Variants in RGS7BP observed in about 807,000 individuals in gnomAD.
RGS7BP encodes the protein regulator of G protein signaling 7 binding protein, also known as regulator of G protein signaling 7-binding protein.
In RGS7BP, 9 loss-of-function variants were observed where a neutral mutation model predicts 31.3. That is an observed-to-expected ratio of 0.29 (90% CI 0.17 to 0.50). The LOEUF (loss-of-function observed/expected upper bound fraction) is 0.50, where lower values mean the gene tolerates loss of function less well. Ranked by LOEUF, RGS7BP falls within the 20% of genes least tolerant of loss-of-function variation. RGS7BP has a pLI of 0.98. For synonymous variants in RGS7BP, 115 were observed against 120.1 expected (o/e 0.96, Z 0.28); for missense variants, 274 against 322.0 (o/e 0.85, Z 1.14).
intron 2 of RGS7BP, among the ~76,000 whole-genome samples, chr5:64,519,440 T>C (rs1749054947): frequency 6.6e-6 from 1 of 152,126 alleles, no homozygotes; most frequent in African/African-American, 2.4e-5. Context: ...AACTCTGCAA[T>C]AGAAATAGGC....
chr5:64,538,805 C>T (rs578227000), intron 2 of RGS7BP, among the ~76,000 whole-genome samples: 3 of 152,148 alleles, frequency 2.0e-5, no homozygotes, highest in African/African-American at 4.8e-5. Context: ...ATCCACCCAC[C>T]TTTGTTGGCC....
At chr5:64,542,741 A>G (rs556835388) in intron 2 of RGS7BP, among the ~76,000 whole-genome samples, 2 of 152,350 alleles carry the variant, frequency 1.3e-5, no homozygotes, top group East Asian at 1.9e-4. Context: ...ATCCAGCCCA[A>G]TGAATTGAAT....
intron 2 of RGS7BP, among the ~76,000 whole-genome samples, chr5:64,523,336 A>AT (rs5868377): frequency 0.32 from 47,951 of 151,156 alleles, 7,963 homozygotes; most frequent in South Asian, 0.39. Flanking sequence ...CAAATGTGCC[A>AT]TTTTTTTTTG....
chr5:64,600,463 T>C (rs1743189085), intron 5 of RGS7BP, among the ~76,000 whole-genome samples: 1 of 152,182 alleles, frequency 6.6e-6, no homozygotes, highest in Non-Finnish European at 1.5e-5. Flanking sequence ...CTTTGTATCA[T>C]CTTTATACAC....
intron 5 of RGS7BP, among the ~76,000 whole-genome samples, chr5:64,601,768 C>A (rs1012821962): frequency 6.6e-6 from 1 of 152,124 alleles, no homozygotes; most frequent in Non-Finnish European, 1.5e-5. Flanking sequence ...AATGGAACCA[C>A]CTGTGGGGAG....
chr5:64,523,969 A>T (rs1749172161), intron 2 of RGS7BP, among the ~76,000 whole-genome samples: 1 of 152,224 alleles, frequency 6.6e-6, no homozygotes, highest in African/African-American at 2.4e-5. Flanking sequence ...GGTATATAAC[A>T]GAGTCTGAGG....
At chr5:64,607,035 C>A (rs1743382829) in intron 5 of RGS7BP, among the ~76,000 whole-genome samples, 1 of 152,056 alleles carries the variant, frequency 6.6e-6, no homozygotes, top group Non-Finnish European at 1.5e-5. Context: ...GTTTTCTTCT[C>A]TGGCTTGGAC....
chr5:64,595,004 T>G (rs1743027616), intron 4 of RGS7BP, 147 bp downstream of exon 4: 3 of 807,448 alleles, frequency 3.7e-6, no homozygotes, highest in Non-Finnish European at 5.8e-6. Context: ...TCAGGGACCC[T>G]GGAGACTGCC....
At chr5:64,526,092 G>C (rs1203461302) in intron 2 of RGS7BP, among the ~76,000 whole-genome samples, 2 of 152,170 alleles carry the variant, frequency 1.3e-5, no homozygotes, top group African/African-American at 2.4e-5. Flanking sequence ...AGGGAAGAAG[G>C]CTTTATTATA....
At chr5:64,544,510 GAAA>G (rs34435565) in intron 2 of RGS7BP, among the ~76,000 whole-genome samples, 1 of 141,930 alleles carries the variant, frequency 7.0e-6, no homozygotes. Flanking sequence ...CCCTGTCTCT[GAAA>G]AAAAAAAAAA....
intron 5 of RGS7BP, among the ~76,000 whole-genome samples, chr5:64,600,989 A>C (rs1580471023): frequency 6.6e-6 from 1 of 152,198 alleles, no homozygotes; most frequent in Non-Finnish European, 1.5e-5. Context: ...AGGCTTCCCC[A>C]ATTCCTTTCC....
At chr5:64,553,734 G>A (rs1413265658) in intron 2 of RGS7BP, among the ~76,000 whole-genome samples, 1 of 152,022 alleles carries the variant, frequency 6.6e-6, no homozygotes, top group African/African-American at 2.4e-5. Context: ...GTGTAAGATT[G>A]AGTGAGATAA....
chr5:64,567,406 T>C (rs16892850), intron 2 of RGS7BP, among the ~76,000 whole-genome samples: 48,801 of 152,046 alleles, frequency 0.32, 8,149 homozygotes, highest in South Asian at 0.39. Flanking sequence ...AATGAGATGA[T>C]AGAATAATGT....
Position 64,558,852 on chromosome 5 carries a change from C to T in RGS7BP, c.333-16922C>T, listed in dbSNP as rs191387249. Among the ~76,000 whole-genome samples the T allele has an allele frequency of 1.8e-3, 273 of 152,278 alleles. 1 individual carries two copies. The highest frequency in any genetic ancestry group is 6.4e-3 in the African/African-American group (268 of 41,576). On this transcript the variant is annotated intron_variant, in intron 2 of 5. Transcript: ENST00000334025. ...TGAGGGTATCTGCCTTATGCAGTTG[C>T]AGATAAGGGATGAAACATGCCCTGG...
At chr5:64,524,271 G>T (rs1749178411) in intron 2 of RGS7BP, among the ~76,000 whole-genome samples, 1 of 152,152 alleles carries the variant, frequency 6.6e-6, no homozygotes, top group Admixed American at 6.5e-5. Flanking sequence ...CTTTCCAAAA[G>T]TTATTTTGTC....
At chr5:64,561,171 T>C (rs1742046855) in intron 2 of RGS7BP, among the ~76,000 whole-genome samples, 2 of 152,148 alleles carry the variant, frequency 1.3e-5, no homozygotes, top group African/African-American at 4.8e-5. Flanking sequence ...TTGTGTTATG[T>C]GTTCCTCTGA....
chr5:64,507,838 T>C lies in RGS7BP; in HGVS notation c.293T>C (p.Met98Thr). 5 of 1,613,784 alleles carry C rather than the reference T, an allele frequency of 3.1e-6. No homozygotes were observed. Among genetic ancestry groups the C allele is most frequent in the Non-Finnish European group, 4.2e-6 (5 of 1,179,872 alleles). ...MHKTRTKGCE[M>T]ARQAHQKLAA... ...AAGACAAGAACCAAAGGCTGTGAAATGGCCCGTCAGGCACACCAAAAATTG... is the reference window on the plus strand; with the variant it reads ...AAGACAAGAACCAAAGGCTGTGAAACGGCCCGTCAGGCACACCAAAAATTG... Residue 98 changes from methionine (M) to threonine (T), a missense_variant, in exon 2 of 6, where the codon ATG becomes ACG. Met to Thr is a moderately conservative substitution (Grantham distance 81). This residue lies in a region of RGS7BP where 149 missense variants were observed against 152.6 expected (regional missense o/e 0.98). Transcript: ENST00000334025.
At chr5:64,568,677 A>C (rs1742227662) in intron 2 of RGS7BP, among the ~76,000 whole-genome samples, 1 of 152,108 alleles carries the variant, frequency 6.6e-6, no homozygotes, top group African/African-American at 2.4e-5. Flanking sequence ...GTATTGCATT[A>C]AACAGTTACA....
intron 2 of RGS7BP, among the ~76,000 whole-genome samples, chr5:64,559,040 C>T (rs967525250): frequency 6.6e-6 from 1 of 152,138 alleles, no homozygotes; most frequent in Non-Finnish European, 1.5e-5. Context: ...TTTGCCCTGA[C>T]CTTGTGATCT....
Sources: allele counts gnomAD v4.1 joint callset (sites outside exome capture counted in the v4.1 genomes callset), GRCh38; gene constraint gnomAD v4.1.1; regional missense constraint gnomAD v4.1.1; transcripts MANE v1.5; gene names NCBI Gene and HGNC (gene_info 2026-07-23, HGNC 2026-07-21).